Variants in KHDC4 observed in about 807,000 individuals in gnomAD.
The protein encoded by KHDC4 is KH homology domain-containing protein 4.
Under a neutral mutation model 74.5 loss-of-function variants are expected in KHDC4, and 19 were observed. The observed-to-expected ratio is 0.26, with a 90% CI of 0.18 to 0.37. The LOEUF is 0.37. Ranked by LOEUF, KHDC4 falls within the 10% of genes least tolerant of loss-of-function variation. KHDC4 has a pLI of 1.00. For missense variants in KHDC4, 632 were observed against 754.1 expected (o/e 0.84, Z 1.90); for synonymous variants, 253 against 266.1 (o/e 0.95, Z 0.48).
intron 12 of KHDC4, 114 bp downstream of exon 12, chr1:155,916,511 T>C (rs78579033): frequency 0.07 from 51,017 of 725,874 alleles, 2,229 homozygotes; most frequent in Middle Eastern, 0.13. Context: ...CATATTTGAT[T>C]CAAAGATTTC....
chr1:155,925,051 G>T (rs1338919313), intron 7 of KHDC4, among the ~76,000 whole-genome samples: 1 of 148,160 alleles, frequency 6.7e-6, no homozygotes, highest in African/African-American at 2.5e-5. Flanking sequence ...TTTTGAGATG[G>T]AGTCTCGCTC....
intron 2 of KHDC4, among the ~76,000 whole-genome samples, chr1:155,933,079 T>C (rs1674177822): frequency 6.6e-6 from 1 of 152,152 alleles, no homozygotes; most frequent in South Asian, 2.1e-4. Flanking sequence ...TAAATGACTA[T>C]GGAAATACAG....
chr1:155,920,871 ATTCTCCTTGAGGACTTTGT>A (rs1228066741), intron 10 of KHDC4, among the ~76,000 whole-genome samples: 2 of 152,200 alleles, frequency 1.3e-5, no homozygotes, highest in Non-Finnish European at 2.9e-5. Context: ...AGGTAGCCCC[ATTCTCCTTGAGGACTTTGT>A]TAACACTGCA....
intron 4 of KHDC4, among the ~76,000 whole-genome samples, chr1:155,927,609 A>G (rs572407317): frequency 3.2e-4 from 49 of 151,850 alleles, no homozygotes; most frequent in African/African-American, 1.2e-3. Context: ...GTTTGAGACC[A>G]GCCTGGCCAA....
At chr1:155,930,885 G>A (rs1377597923) in intron 2 of KHDC4, among the ~76,000 whole-genome samples, 18 of 152,060 alleles carry the variant, frequency 1.2e-4, no homozygotes, top group Non-Finnish European at 2.4e-4. Flanking sequence ...GTGGTGGTTC[G>A]TGCCTGTAAT....
In KHDC4 at chr1:155,928,376, TAATA is replaced by T. The variant is rs954790257; in HGVS notation, c.464+916_464+919del. 4.6e-5 allele frequency among the ~76,000 whole-genome samples: 7 copies of T among 151,816 alleles called. No individual in the cohort carries two copies. In the East Asian group the frequency reaches 5.8e-4, roughly 13 times the overall value. ...GCAACAAGAGCAAAAACTCCTTCTC[TAATA>T]AATAAATAAATAAATAAATTCTTGG... On this transcript the variant is annotated intron_variant, in intron 4 of 13. Transcript: ENST00000368321.
At chr1:155,916,967 G>C in intron 11 of KHDC4, 2 of 358,744 alleles carry the variant, frequency 5.6e-6, no homozygotes, top group Non-Finnish European at 1.0e-5. Context: ...TCTATGGCCT[G>C]TTTTTAACTG....
intron 13 of KHDC4, 57 bp from the exon 14 acceptor site, chr1:155,914,377 AC>A (rs1248112519): frequency 1.6e-6 from 2 of 1,288,946 alleles, no homozygotes; most frequent in Admixed American, 4.3e-5. Flanking sequence ...AAAAAAAAAT[AC>A]CATAAATTCG....
At chr1:155,926,081 T>C (rs758253057) in intron 6 of KHDC4, 1 of 701,862 alleles carries the variant, frequency 1.4e-6, no homozygotes, top group Non-Finnish European at 2.6e-6. Context: ...TTCTTAGTCC[T>C]CCAGTTGTCA....
chr1:155,923,951 CT>C (rs745658328), intron 7 of KHDC4, among the ~76,000 whole-genome samples: 1 of 152,272 alleles, frequency 6.6e-6, no homozygotes, highest in South Asian at 2.1e-4. Flanking sequence ...CATAAAATTA[CT>C]ATAAAACGTA....
chr1:155,929,476 A>C, intron 3 of KHDC4, 101 bp from the exon 4 acceptor site: 1 of 1,130,734 alleles, frequency 8.8e-7, no homozygotes, highest in East Asian at 2.4e-5. Context: ...GTAAAGAAGG[A>C]AAGAATTCTC....
intron 8 of KHDC4, among the ~76,000 whole-genome samples, chr1:155,922,795 CTATG>C (rs1463824724): frequency 6.6e-6 from 1 of 152,054 alleles, no homozygotes; most frequent in East Asian, 1.9e-4. Flanking sequence ...AAATCAGGTG[CTATG>C]TACAAAAGTA....
chr1:155,915,142 C>CA (rs3835692), intron 13 of KHDC4: 43,671 of 151,560 alleles, frequency 0.29, 7,027 homozygotes, highest in East Asian at 0.75. Flanking sequence ...TTTTTTGAGA[C>CA]AGAGTCTCAC....
intron 12 of KHDC4, 63 bp from the exon 13 acceptor site, chr1:155,916,027 G>T (rs1454789569): frequency 1.0e-6 from 1 of 982,688 alleles, no homozygotes; most frequent in Admixed American, 2.3e-5. Flanking sequence ...TTATCCAGTG[G>T]ATTAGAAGTG....
chr1:155,922,802 C>A (rs563897465), intron 8 of KHDC4, among the ~76,000 whole-genome samples: 10 of 152,094 alleles, frequency 6.6e-5, no homozygotes, highest in African/African-American at 2.2e-4. Context: ...GTGCTATGTA[C>A]AAAAGTAAAA....
At chr1:155,917,776 A>C (rs1673764740) in intron 10 of KHDC4, 104 bp from the exon 11 acceptor site, 1 of 1,008,054 alleles carries the variant, frequency 9.9e-7, no homozygotes, top group Non-Finnish European at 1.4e-6. Flanking sequence ...TATCATATGA[A>C]TTTTGCATCT....
Position 155,923,612 on chromosome 1 carries a change from A to G in KHDC4, c.954+15T>C. On this transcript the variant is annotated intron_variant, in intron 8 of 13. Transcript: ENST00000368321. ...AATTGCTCTTCTGAATGAGTATCAG[A>G]CAAATACAACTCACTGTTTGCAAAA... 1 of 1,604,144 alleles carries G rather than the reference A, an allele frequency of 6.2e-7. No individual in the cohort carries two copies. Among genetic ancestry groups the G allele is most frequent in the Non-Finnish European group, 8.5e-7 (1 of 1,171,006 alleles).
rs1673973958 is a variant in KHDC4, at chr1:155,925,616, C to T, written c.893+16G>A. 6.2e-7 allele frequency: 1 copy of T among 1,603,368 alleles called. No individual in the cohort carries two copies. The highest frequency in any genetic ancestry group is 8.5e-7 in the Non-Finnish European group (1 of 1,170,240). On this transcript the variant is annotated intron_variant, in intron 7 of 13. Coordinates refer to ENST00000368321, the MANE Select transcript of KHDC4 (RefSeq NM_014949.4). Reference sequence around the variant, plus strand: ...TTGACAAGAATTCACATGTCCCCTGCCCTATCCATCCATACCTGATGTAAA... The same window carrying T: ...TTGACAAGAATTCACATGTCCCCTGTCCTATCCATCCATACCTGATGTAAA...
At chr1:155,919,991 G>A in intron 10 of KHDC4, 1 of 517,550 alleles carries the variant, frequency 1.9e-6, no homozygotes, top group Non-Finnish European at 3.9e-6. Context: ...GCTATGGCAT[G>A]GGTACACTAT....
Sources: allele counts gnomAD v4.1 joint callset (sites outside exome capture counted in the v4.1 genomes callset), GRCh38; gene constraint gnomAD v4.1.1; transcripts MANE v1.5; gene names NCBI Gene and HGNC (gene_info 2026-07-23, HGNC 2026-07-21).